Variants in SGIP1 observed in about 807,000 individuals in gnomAD.
SGIP1 encodes SH3GL interacting endocytic adaptor 1.
A neutral mutation model predicts 107.5 loss-of-function variants in SGIP1; 38 were observed. That is an observed-to-expected ratio of 0.35 (90% confidence interval 0.27 to 0.46). The LOEUF is 0.46. SGIP1 is among the 20% of genes least tolerant of loss of function. The pLI is 1.00. For missense variants in SGIP1, 929 were observed against 1,019.5 expected (o/e 0.91, Z 1.21); for synonymous variants, 365 against 366.1 (o/e 1.00, Z 0.03).
intron 3 of SGIP1, chr1:66,634,186 T>C (rs1286273429): frequency 6.3e-7 from 1 of 1,596,758 alleles, no homozygotes; most frequent in African/African-American, 1.3e-5. Flanking sequence ...TCTGTGTCTC[T>C]TCTTTGCTTC....
intron 20 of SGIP1, among the ~76,000 whole-genome samples, chr1:66,733,182 G>A (rs1005115427): frequency 6.6e-6 from 1 of 152,180 alleles, no homozygotes; most frequent in Non-Finnish European, 1.5e-5. Flanking sequence ...TATAAGTGAA[G>A]TGAAATCTTT....
intron 7 of SGIP1, among the ~76,000 whole-genome samples, chr1:66,657,906 G>C (rs539129007): frequency 7.2e-5 from 11 of 151,908 alleles, no homozygotes; most frequent in Admixed American, 1.3e-4. Context: ...ATTTTAAATC[G>C]AAAACATCTT....
chr1:66,634,207 C>T (rs905282516), intron 3 of SGIP1: 4 of 1,531,174 alleles, frequency 2.6e-6, no homozygotes, highest in East Asian at 4.6e-5. Context: ...CGGCTTGGTC[C>T]CCTCCCTGGG....
intron 18 of SGIP1, among the ~76,000 whole-genome samples, chr1:66,713,888 G>A (rs1197860692): frequency 1.3e-5 from 2 of 151,950 alleles, no homozygotes; most frequent in African/African-American, 4.8e-5. Context: ...TGAAAAATTA[G>A]GCACACATGC....
At chr1:66,629,449 T>G (rs2073751383) in intron 2 of SGIP1, among the ~76,000 whole-genome samples, 1 of 152,164 alleles carries the variant, frequency 6.6e-6, no homozygotes, top group South Asian at 2.1e-4. Flanking sequence ...TAAGTAACTT[T>G]CTGAAGGCTA....
chr1:66,699,402 G>A (rs1399689945), intron 18 of SGIP1, among the ~76,000 whole-genome samples: 4 of 152,088 alleles, frequency 2.6e-5, no homozygotes, highest in African/African-American at 7.2e-5. Context: ...GGCAGCTTGC[G>A]TGTCATCCTC....
chr1:66,543,422 C>G (rs1031813784), intron 1 of SGIP1, among the ~76,000 whole-genome samples: 1 of 152,116 alleles, frequency 6.6e-6, no homozygotes, highest in Non-Finnish European at 1.5e-5. Flanking sequence ...GTTGCAGAAA[C>G]CAAGGCCAAA....
At chr1:66,708,493 A>T (rs1239856670) in intron 18 of SGIP1, among the ~76,000 whole-genome samples, 1 of 152,144 alleles carries the variant, frequency 6.6e-6, no homozygotes, top group East Asian at 1.9e-4. Context: ...GTGTACATTC[A>T]CTTTTCTTTC....
Position 66,635,969 on chromosome 1 carries a change from A to G in SGIP1, c.125A>G (p.Tyr42Cys). 1 of 1,613,934 alleles carries G rather than the reference A, an allele frequency of 6.2e-7. No individual in the cohort carries two copies. Among genetic ancestry groups the G allele is most frequent in the East Asian group, 2.2e-5 (1 of 44,864 alleles). Reference protein sequence around the residue: ...GIQPSPHEPPYNSKAECAREG... With the variant: ...GIQPSPHEPPCNSKAECAREG... ...CAGCCCAGCCCACACGAACCACCCT[A>G]CAATAGCAAAGCAGAGTGTGCGCGT... The change falls in exon 4 of 25, where the codon TAC becomes TGC. Residue 42 changes from tyrosine (Y) to cysteine (C), a missense_variant. By Grantham distance (194) the Tyr-to-Cys change is radical. Coordinates refer to ENST00000371037, the MANE Select transcript of SGIP1 (RefSeq NM_032291.4).
chr1:66,536,761 A>G (rs1157660669), intron 1 of SGIP1, among the ~76,000 whole-genome samples: 1 of 147,748 alleles, frequency 6.8e-6, no homozygotes, highest in Non-Finnish European at 1.5e-5. Context: ...CTTCTGAACT[A>G]GTGTGTCTCA....
At chr1:66,675,514 TC>T (rs1250702991) in intron 12 of SGIP1, among the ~76,000 whole-genome samples, 3 of 148,268 alleles carry the variant, frequency 2.0e-5, no homozygotes, top group Non-Finnish European at 4.4e-5. Flanking sequence ...TCTTTCTTTT[TC>T]GTTGTTTTTC....
At chr1:66,633,485 A>G (rs546069492) in intron 3 of SGIP1, among the ~76,000 whole-genome samples, 2 of 152,336 alleles carry the variant, frequency 1.3e-5, no homozygotes. Flanking sequence ...AAGAAAATTC[A>G]AAGAAGCTTT....
At chr1:66,610,896 C>T (rs1490128310) in intron 1 of SGIP1, among the ~76,000 whole-genome samples, 1 of 151,872 alleles carries the variant, frequency 6.6e-6, no homozygotes, top group African/African-American at 2.4e-5. Flanking sequence ...GAAAATCAAA[C>T]ATTGTATGCT....
At chr1:66,733,417 T>C (rs933372473) in intron 20 of SGIP1, among the ~76,000 whole-genome samples, 1 of 152,186 alleles carries the variant, frequency 6.6e-6, no homozygotes, top group East Asian at 1.9e-4. Flanking sequence ...ACAAAGCTGG[T>C]TTCATAGAAA....
chr1:66,631,323 T>C (rs2074636139), intron 2 of SGIP1, among the ~76,000 whole-genome samples: 1 of 152,200 alleles, frequency 6.6e-6, no homozygotes, highest in Admixed American at 6.5e-5. Flanking sequence ...CAAGCACTTT[T>C]GTTGGCCAAG....
intron 3 of SGIP1, among the ~76,000 whole-genome samples, chr1:66,634,702 T>G (rs1350673011): frequency 1.3e-5 from 2 of 152,218 alleles, no homozygotes; most frequent in East Asian, 3.8e-4. Flanking sequence ...TTTTGATTTC[T>G]TAGGAAATAA....
chr1:66,566,493 G>A (rs761151035), intron 1 of SGIP1, among the ~76,000 whole-genome samples: 4 of 151,762 alleles, frequency 2.6e-5, no homozygotes, highest in Non-Finnish European at 2.9e-5. Flanking sequence ...ATTAATCCTC[G>A]TATGCAGCAG....
intron 18 of SGIP1, among the ~76,000 whole-genome samples, chr1:66,700,388 A>G (rs1485458494): frequency 6.6e-6 from 1 of 151,398 alleles, no homozygotes; most frequent in Non-Finnish European, 1.5e-5. Flanking sequence ...AAAAAAAAAA[A>G]ACAGAGTAAT....
intron 18 of SGIP1, among the ~76,000 whole-genome samples, chr1:66,702,552 T>G (rs2092045675): frequency 6.6e-6 from 1 of 151,070 alleles, no homozygotes; most frequent in Non-Finnish European, 1.5e-5. Flanking sequence ...GAAGTTGCAT[T>G]CAAATTAAAG....
Sources: allele counts gnomAD v4.1 joint callset (sites outside exome capture counted in the v4.1 genomes callset), GRCh38; gene constraint gnomAD v4.1.1; transcripts MANE v1.5; gene names NCBI Gene and HGNC (gene_info 2026-07-23, HGNC 2026-07-21).